The following KIF6 variants were observed in gnomAD, a reference collection of about 807,000 sequenced individuals.
KIF6 encodes kinesin family member 6, also known as kinesin-like protein KIF6.
KIF6 carries 106 observed loss-of-function variants against 112.7 expected under a neutral mutation model. The ratio of observed to expected loss-of-function variants is 0.94; its 90% CI spans 0.80 to 1.11. The LOEUF (loss-of-function observed/expected upper bound fraction) is 1.11. KIF6 is among the 50% of genes least tolerant of loss of function. The pLI is 0.00. For synonymous variants in KIF6, 339 were observed against 339.9 expected, an observed-to-expected ratio of 1.00 and a Z score of 0.03; for missense variants, 929 against 964.0, an observed-to-expected ratio of 0.96 and a Z score of 0.48.
At chr6:39,394,076 T>C (rs1457856471) in intron 15 of KIF6, among the ~76,000 whole-genome samples, 1 of 152,274 alleles carries the variant, frequency 6.6e-6, no homozygotes, top group East Asian at 1.9e-4. Flanking sequence ...ATATGTATGA[T>C]GCTGTGACCA....
intron 3 of KIF6, among the ~76,000 whole-genome samples, chr6:39,699,990 T>C (rs1788782384): frequency 6.6e-6 from 1 of 152,196 alleles, no homozygotes; most frequent in African/African-American, 2.4e-5. Flanking sequence ...TTTTTTCTGA[T>C]TTTCATTTTT....
chr6:39,355,457 G>GAGTTT (rs61197732), intron 19 of KIF6, among the ~76,000 whole-genome samples: 1 of 94,940 alleles, frequency 1.1e-5, no homozygotes, highest in African/African-American at 4.6e-5. Context: ...ATTTTAAGAA[G>GAGTTT]TCTTTTTTTT....
At chr6:39,723,748 G>A (rs1247399598) in intron 1 of KIF6, among the ~76,000 whole-genome samples, 1 of 152,152 alleles carries the variant, frequency 6.6e-6, no homozygotes, top group East Asian at 1.9e-4. Flanking sequence ...CTGTCGTGGG[G>A]TGGGAGGCTA....
In KIF6 at chr6:39,343,430, T is replaced by TGAA. The variant is rs1160283834; in HGVS notation, c.2428+276_2428+278dup. 1 of 1,403,898 alleles carries TGAA rather than the reference T, an allele frequency of 7.1e-7. No homozygotes were observed. The highest frequency in any genetic ancestry group is 9.4e-7 in the Non-Finnish European group (1 of 1,063,108). The allele number at this position is 1,403,898 out of a possible 1,614,324, so 87.0% of individuals were successfully genotyped here. The stretch of plus-strand genomic sequence containing the variant: ...CTTTGGGAACAGAGAACAAAGGAGC[T>TGAA]GAAGATCTGGAAGAGACAGAGAGCA... On this transcript the variant is annotated intron_variant, in intron 22 of 22. Transcript: ENST00000287152. This position sits in a 1 kb window ranked among gnomAD's most constrained non-coding sequence, Gnocchi z 4.1.
At chr6:39,485,851 C>T (rs934189651) in intron 13 of KIF6, among the ~76,000 whole-genome samples, 9 of 152,236 alleles carry the variant, frequency 5.9e-5, no homozygotes, top group African/African-American at 1.7e-4. Context: ...AGTAAAGCTC[C>T]GAGTGCTTTA....
At chr6:39,561,835 C>A (rs1240358373) in intron 10 of KIF6, among the ~76,000 whole-genome samples, 4 of 152,166 alleles carry the variant, frequency 2.6e-5, no homozygotes, top group Non-Finnish European at 4.4e-5. Flanking sequence ...CCTGTGTTTA[C>A]AAGGTTTGGC....
At chr6:39,657,217 G>C (rs1292048785) in intron 3 of KIF6, among the ~76,000 whole-genome samples, 2 of 147,696 alleles carry the variant, frequency 1.4e-5, no homozygotes, top group Non-Finnish European at 3.0e-5. Flanking sequence ...TGGGCAACAA[G>C]AGCGAAACTC....
At chr6:39,655,189 TCAAA>T (rs899916699) in intron 3 of KIF6, among the ~76,000 whole-genome samples, 5 of 152,222 alleles carry the variant, frequency 3.3e-5, no homozygotes, top group Non-Finnish European at 5.9e-5. Context: ...TGTAATGTGA[TCAAA>T]CATTTTCATA....
At chr6:39,380,054 T>C (rs899183304) in intron 16 of KIF6, among the ~76,000 whole-genome samples, 2 of 152,252 alleles carry the variant, frequency 1.3e-5, no homozygotes, top group Admixed American at 1.3e-4. Context: ...TCATCTGCAT[T>C]ATCAACAATA....
chr6:39,369,964 C>G (rs930205639), intron 16 of KIF6, among the ~76,000 whole-genome samples: 1 of 152,210 alleles, frequency 6.6e-6, no homozygotes, highest in Non-Finnish European at 1.5e-5. Context: ...CACAAGGTTC[C>G]CCTTTTTCCC....
At chr6:39,669,272 C>G (rs1786665599) in intron 3 of KIF6, among the ~76,000 whole-genome samples, 1 of 152,156 alleles carries the variant, frequency 6.6e-6, no homozygotes, top group African/African-American at 2.4e-5. Context: ...TGCTACCTCC[C>G]CCAACACCAC....
At chr6:39,635,426 C>A (rs1487877773) in intron 4 of KIF6, among the ~76,000 whole-genome samples, 2 of 152,042 alleles carry the variant, frequency 1.3e-5, no homozygotes, top group Non-Finnish European at 2.9e-5. Context: ...TTCTACTTTT[C>A]TAATATTCAA....
chr6:39,435,645 G>T (rs917974885), intron 13 of KIF6, among the ~76,000 whole-genome samples: 1 of 151,074 alleles, frequency 6.6e-6, no homozygotes, highest in Admixed American at 6.7e-5. Context: ...TTCTGTTCTC[G>T]AGTTACTTTA....
At chr6:39,455,129 C>G (rs1400456723) in intron 13 of KIF6, among the ~76,000 whole-genome samples, 1 of 152,196 alleles carries the variant, frequency 6.6e-6, no homozygotes, top group Admixed American at 6.5e-5. Context: ...TGTCTGACAG[C>G]TTTGAAGAGA....
At position 39,712,719 on chromosome 6, in the gene KIF6, G is replaced by A. The variant is rs181620721; in HGVS notation, c.251+1973C>T. ...CTCACAAGACAGAAAACCAAACACC[G>A]CATGTTCTCACTCATAGGTGGGAAT... is the stretch of plus-strand genomic sequence containing the variant. On this transcript the variant is annotated intron_variant, in intron 3 of 22. Transcript: ENST00000287152. 7.2e-5 allele frequency among the ~76,000 whole-genome samples: 11 copies of A among 152,144 alleles called. No individual in the cohort carries two copies. In the South Asian group the frequency reaches 1.0e-3, roughly 14 times the overall value.
chr6:39,645,830 T>C (rs984688548), intron 3 of KIF6, among the ~76,000 whole-genome samples: 4 of 152,126 alleles, frequency 2.6e-5, no homozygotes, highest in Non-Finnish European at 5.9e-5. Flanking sequence ...GGGACACGGA[T>C]GAAGCTGGAA....
At chr6:39,684,616 C>A (rs1353449715) in intron 3 of KIF6, among the ~76,000 whole-genome samples, 54 of 130,738 alleles carry the variant, frequency 4.1e-4, no homozygotes, top group Admixed American at 4.6e-4. Flanking sequence ...ACCTCTGTCT[C>A]AAAAAAAAAA....
chr6:39,387,502 G>C (rs777410609), intron 15 of KIF6, among the ~76,000 whole-genome samples: 1 of 152,138 alleles, frequency 6.6e-6, no homozygotes, highest in African/African-American at 2.4e-5. Flanking sequence ...TAGAGAGCGT[G>C]GCAGGCATTG....
intron 13 of KIF6, among the ~76,000 whole-genome samples, chr6:39,536,485 G>A (rs1337446530): frequency 8.6e-5 from 13 of 151,578 alleles, no homozygotes; most frequent in South Asian, 2.1e-4. Context: ...TAAATTCCTC[G>A]ACACATACAC....
Sources: gnomAD v4.1 joint callset for allele counts (sites outside exome capture counted in the v4.1 genomes callset) on GRCh38, gnomAD v4.1.1 for gene constraint, Gnocchi (gnomAD v3.1) non-coding constraint, MANE v1.5 for transcripts, NCBI Gene and HGNC (gene_info 2026-07-23, HGNC 2026-07-21) for gene names.